The following HACD2 variants were observed in gnomAD, a reference collection of about 807,000 sequenced individuals.
The protein encoded by HACD2 is very-long-chain (3R)-3-hydroxyacyl-CoA dehydratase 2.
Under a neutral mutation model 31.0 loss-of-function variants are expected in HACD2, and 15 were observed. That is an observed-to-expected ratio of 0.48 (90% confidence interval 0.32 to 0.75). The LOEUF (loss-of-function observed/expected upper bound fraction) is 0.75, where lower values mean the gene tolerates loss of function less well. Ranked by LOEUF, HACD2 falls within the 30% of genes least tolerant of loss-of-function variation. The pLI is 0.03. For missense variants in HACD2, 283 were observed against 313.0 expected, an observed-to-expected ratio of 0.90 and a Z score of 0.72; for synonymous variants, 115 against 122.2, an observed-to-expected ratio of 0.94 and a Z score of 0.39.
chr3:123,538,860 G>C (rs1377031541), intron 3 of HACD2, among the ~76,000 whole-genome samples: 1 of 152,050 alleles, frequency 6.6e-6, no homozygotes, highest in African/African-American at 2.4e-5. Context: ...TCCTAAATGA[G>C]AGCCAATTAT....
At chr3:123,525,553 C>G (rs910891173) in intron 4 of HACD2, among the ~76,000 whole-genome samples, 1 of 152,084 alleles carries the variant, frequency 6.6e-6, no homozygotes, top group Non-Finnish European at 1.5e-5. Flanking sequence ...AAAGTAGAGT[C>G]TAGTCTGAAA....
At chr3:123,515,106 T>C (rs1366529475) in intron 4 of HACD2, among the ~76,000 whole-genome samples, 1 of 152,180 alleles carries the variant, frequency 6.6e-6, no homozygotes, top group Non-Finnish European at 1.5e-5. Context: ...TTGTATGTGT[T>C]AACTCGCAGA....
At chr3:123,506,438 G>A (rs1240524748) in intron 4 of HACD2, among the ~76,000 whole-genome samples, 1 of 151,856 alleles carries the variant, frequency 6.6e-6, no homozygotes, top group East Asian at 1.9e-4. Context: ...CTTGAGACTG[G>A]GTCTTGTTCT....
At chr3:123,522,320 C>A in intron 4 of HACD2, among the ~76,000 whole-genome samples, 1 of 119,698 alleles carries the variant, frequency 8.4e-6, no homozygotes, top group Non-Finnish European at 1.8e-5. Flanking sequence ...AGAGCAGGAC[C>A]CTGTCTCCAA....
rs374052160 is a variant in HACD2, at chr3:123,496,458, C to T, written c.683-1488G>A. Reference sequence around the variant, plus strand: ...GATTTCAAATGATCCTCCCAAAGTACGCCGGGACACCAGTGCGTGTGTGAC... The same window carrying T: ...GATTTCAAATGATCCTCCCAAAGTATGCCGGGACACCAGTGCGTGTGTGAC... On this transcript the variant is annotated intron_variant, in intron 6 of 6. Coordinates refer to ENST00000383657, the MANE Select transcript of HACD2 (RefSeq NM_198402.5). Among the ~76,000 whole-genome samples the T allele has an allele frequency of 4.6e-5, 7 of 152,264 alleles. No individual in the cohort carries two copies. The East Asian group carries it at 5.8e-4, about 13-fold the overall frequency.
chr3:123,548,573 C>T (rs899303828), intron 3 of HACD2, among the ~76,000 whole-genome samples: 1 of 152,206 alleles, frequency 6.6e-6, no homozygotes, highest in Non-Finnish European at 1.5e-5. Context: ...AAAACTACTA[C>T]TACTACTATC....
rs372131325 is a variant in HACD2, at chr3:123,582,254, A to G, written c.231T>C (p.Ile77=). The change falls in exon 2 of 7, where the codon ATT becomes ATC. Residue 77 remains isoleucine (I), a synonymous_variant. Transcript: ENST00000383657. The part of the protein sequence containing the change: ...KGSYHSLYYS[I]EKPLKFFQTG... ...TTTGAAAGAATTTCAAAGGCTTTTC[A>G]ATTGAATAATAAAGGCTATGGTAGC... 4 of 1,607,866 alleles carry G rather than the reference A, an allele frequency of 2.5e-6. No homozygotes were observed. The highest frequency in any genetic ancestry group is 3.4e-6 in the Non-Finnish European group (4 of 1,177,034).
At chr3:123,511,295 C>T (rs2056060294) in intron 4 of HACD2, among the ~76,000 whole-genome samples, 1 of 152,160 alleles carries the variant, frequency 6.6e-6, no homozygotes, top group Admixed American at 6.5e-5. Flanking sequence ...CAAGGTATGT[C>T]TCCTAAACCT....
chr3:123,534,798 T>TTGTGTGTG (rs71142740), intron 3 of HACD2, among the ~76,000 whole-genome samples: 3 of 149,088 alleles, frequency 2.0e-5, no homozygotes, highest in Admixed American at 6.7e-5. Flanking sequence ...AGACGTAGGC[T>TTGTGTGTG]TGTGTGTGTG....
intron 3 of HACD2, among the ~76,000 whole-genome samples, chr3:123,529,914 T>TAA (rs953024009): frequency 6.7e-5 from 10 of 148,482 alleles, no homozygotes; most frequent in Non-Finnish European, 1.3e-4. Context: ...GAAACCAATT[T>TAA]AAAAAAAAAA....
intron 4 of HACD2, among the ~76,000 whole-genome samples, chr3:123,518,642 A>G (rs1437342179): frequency 6.6e-6 from 1 of 152,222 alleles, no homozygotes; most frequent in African/African-American, 2.4e-5. Flanking sequence ...ACAAGACAGC[A>G]CACCAATGCA....
chr3:123,510,934 T>C (rs202126105), intron 4 of HACD2, among the ~76,000 whole-genome samples: 4 of 61,824 alleles, frequency 6.5e-5, no homozygotes, highest in African/African-American at 1.7e-4. Flanking sequence ...TTTGCTGTGT[T>C]TTTTTTTTTT....
At chr3:123,558,635 C>A (rs2056696266) in intron 3 of HACD2, among the ~76,000 whole-genome samples, 1 of 152,094 alleles carries the variant, frequency 6.6e-6, no homozygotes, top group Non-Finnish European at 1.5e-5. Context: ...GAAAAAAAAT[C>A]CTCTCCCAAG....
chr3:123,545,548 TAAAAAA>T (rs375205125), intron 3 of HACD2, among the ~76,000 whole-genome samples: 3 of 121,818 alleles, frequency 2.5e-5, no homozygotes, highest in African/African-American at 9.4e-5. Flanking sequence ...CTTTTTACTT[TAAAAAA>T]AAAAAAAAAA....
At chr3:123,537,876 A>G (rs577677179) in intron 3 of HACD2, among the ~76,000 whole-genome samples, 3 of 149,714 alleles carry the variant, frequency 2.0e-5, no homozygotes, top group East Asian at 1.9e-4. Flanking sequence ...AATTTTCAAA[A>G]TTAAAAAAAT....
chr3:123,579,712 TG>T (rs1286026328), intron 2 of HACD2, among the ~76,000 whole-genome samples: 1 of 152,204 alleles, frequency 6.6e-6, no homozygotes, highest in East Asian at 1.9e-4. Context: ...GGAAGTCTGA[TG>T]GTCTTGACTC....
intron 2 of HACD2, among the ~76,000 whole-genome samples, chr3:123,574,707 A>G (rs1301642427): frequency 6.6e-6 from 1 of 152,154 alleles, no homozygotes; most frequent in Non-Finnish European, 1.5e-5. Context: ...ATAAATATAT[A>G]CTAAAGTATA....
At chr3:123,552,512 TG>T (rs2056630281) in intron 3 of HACD2, among the ~76,000 whole-genome samples, 1 of 152,186 alleles carries the variant, frequency 6.6e-6, no homozygotes, top group South Asian at 2.1e-4. Flanking sequence ...CTTCCAATCT[TG>T]TCTACAAAAG....
chr3:123,528,575 C>T (rs773196696), intron 3 of HACD2, 101 bp from the exon 4 acceptor site: 160 of 748,350 alleles, frequency 2.1e-4, no homozygotes, highest in African/African-American at 1.2e-3. Context: ...AGAGTCAAAA[C>T]GGTCTTGAGC....
Sources: gnomAD v4.1 joint callset for allele counts (sites outside exome capture counted in the v4.1 genomes callset) on GRCh38, gnomAD v4.1.1 for gene constraint, MANE v1.5 for transcripts, NCBI Gene and HGNC (gene_info 2026-07-23, HGNC 2026-07-21) for gene names.